MMD2: variants seen among roughly 807,000 people sequenced by gnomAD.
MMD2 encodes the protein monocyte to macrophage differentiation associated 2, also known as monocyte to macrophage differentiation factor 2.
MMD2 carries 30 observed loss-of-function variants against 33.5 expected under a neutral mutation model. The ratio of observed to expected loss-of-function variants is 0.90; its 90% CI spans 0.67 to 1.22. MMD2 has a LOEUF of 1.22. Among genes scored for constraint, MMD2 ranks in the 50% most tolerant of loss-of-function variants. MMD2 has a pLI of 0.00. For missense variants in MMD2, 364 were observed against 325.4 expected, an observed-to-expected ratio of 1.12 and a Z score of -0.91; for synonymous variants, 129 against 123.0, an observed-to-expected ratio of 1.05 and a Z score of -0.32.
intron 1 of MMD2, among the ~76,000 whole-genome samples, chr7:4,933,128 C>T (rs913534023): frequency 2.0e-5 from 3 of 152,060 alleles, no homozygotes; most frequent in African/African-American, 7.3e-5. Context: ...GTAATCCCAG[C>T]GCTTTGGGAG....
chr7:4,897,580 G>A, the MMD2 span, among the ~76,000 whole-genome samples: 3 of 152,206 alleles, frequency 2.0e-5, no homozygotes, highest in Non-Finnish European at 4.4e-5. Flanking sequence ...TGCAGAGGTG[G>A]GAAAGCTCCT....
At chr7:4,895,056 G>A in the MMD2 span, among the ~76,000 whole-genome samples, 91 of 150,570 alleles carry the variant, frequency 6.0e-4, no homozygotes, top group Admixed American at 3.3e-4. Context: ...TTGCATCCCC[G>A]ACTGCTTGCA....
chr7:4,932,905 G>T (rs1010843303), intron 1 of MMD2, among the ~76,000 whole-genome samples: 1 of 151,706 alleles, frequency 6.6e-6, no homozygotes, highest in Non-Finnish European at 1.5e-5. Flanking sequence ...GATTACAGGC[G>T]TGAGCCACCA....
downstream of MMD2, among the ~76,000 whole-genome samples, chr7:4,902,094 G>A (rs944157981): frequency 3.3e-5 from 5 of 152,124 alleles, no homozygotes; most frequent in Admixed American, 2.6e-4. Flanking sequence ...GGGATTACAG[G>A]CGTGTGCCAC....
At chr7:4,944,333 G>A (rs1785991342) in intron 1 of MMD2, among the ~76,000 whole-genome samples, 1 of 152,036 alleles carries the variant, frequency 6.6e-6, no homozygotes, top group South Asian at 2.1e-4. Context: ...TGGCCCCAGG[G>A]AAACTTTAGC....
At chr7:4,922,695 C>A (rs535359047) in intron 2 of MMD2, among the ~76,000 whole-genome samples, 6 of 152,216 alleles carry the variant, frequency 3.9e-5, no homozygotes, top group African/African-American at 1.2e-4. Flanking sequence ...TTGCCTTGGC[C>A]TCCTGAGTAG....
intron 1 of MMD2, among the ~76,000 whole-genome samples, chr7:4,938,926 G>A (rs1182412855): frequency 6.6e-6 from 1 of 152,112 alleles, no homozygotes; most frequent in Admixed American, 6.6e-5. Context: ...GGGGAGGGGA[G>A]GCTGGGCTCG....
chr7:4,893,834 A>G, the MMD2 span, among the ~76,000 whole-genome samples: 1 of 152,128 alleles, frequency 6.6e-6, no homozygotes, highest in East Asian at 1.9e-4. Flanking sequence ...GGCATTTGTA[A>G]ACTGTCATGA....
At chr7:4,894,068 G>A in the MMD2 span, among the ~76,000 whole-genome samples, 1 of 152,162 alleles carries the variant, frequency 6.6e-6, no homozygotes. This position sits in a 1 kb window ranked among gnomAD's most constrained non-coding sequence, Gnocchi z 4.3. Flanking sequence ...ATGCAGCCCA[G>A]TAGATCTCAG....
At chr7:4,902,572 A>C (rs1322647294), downstream of MMD2, among the ~76,000 whole-genome samples, 2 of 152,194 alleles carry the variant, frequency 1.3e-5, no homozygotes, top group African/African-American at 4.8e-5. Flanking sequence ...GGAGACCCAG[A>C]CAGGTGAGCC....
chr7:4,926,523 C>T (rs1460047001), intron 1 of MMD2, among the ~76,000 whole-genome samples: 1 of 152,070 alleles, frequency 6.6e-6, no homozygotes, highest in East Asian at 1.9e-4. Flanking sequence ...ACGGCTCACT[C>T]CTCACCCCCA....
chr7:4,945,098 C>G (rs1182316153), intron 1 of MMD2, among the ~76,000 whole-genome samples: 1 of 150,638 alleles, frequency 6.6e-6, no homozygotes, highest in Non-Finnish European at 1.5e-5. Context: ...TTCTGGACAC[C>G]AACACACTTC....
intron 1 of MMD2, 98 bp from the exon 2 acceptor site, chr7:4,925,630 A>C: frequency 3.8e-6 from 3 of 781,242 alleles, no homozygotes; most frequent in Non-Finnish European, 6.0e-6. Context: ...CTGGTAGGAA[A>C]AGAAGAGCAC....
At chr7:4,938,222 G>T (rs1327506334) in intron 1 of MMD2, among the ~76,000 whole-genome samples, 2 of 151,704 alleles carry the variant, frequency 1.3e-5, no homozygotes, top group Non-Finnish European at 2.9e-5. Flanking sequence ...TGTTAGTCAG[G>T]CTGGTCTCAA....
Position 4,906,131 on chromosome 7 carries a change from A to G in MMD2, c.*1265T>C, listed in dbSNP as rs1238140771. The stretch of plus-strand genomic sequence containing the variant: ...CCACTCCACCCTGGTTGGGAGTCGC[A>G]GAATGAGGACCTCCTGACTTGAGAC... On this transcript the variant is annotated 3_prime_UTR_variant, in exon 7 of 7. Transcript: ENST00000401401. The G allele has an allele frequency of 5.1e-6, 1 of 195,420 alleles. No homozygotes were observed. Among genetic ancestry groups the G allele is most frequent in the Non-Finnish European group, 1.0e-5 (1 of 96,404 alleles). 12.1% of individuals were successfully genotyped at this position (195,420 alleles called of 1,614,324 possible).
intron 1 of MMD2, among the ~76,000 whole-genome samples, chr7:4,956,531 T>A (rs1786385498): frequency 6.6e-6 from 1 of 152,052 alleles, no homozygotes; most frequent in South Asian, 2.1e-4. Flanking sequence ...GAAATAGAAC[T>A]AATCCATGCG....
intron 1 of MMD2, among the ~76,000 whole-genome samples, chr7:4,952,154 G>C (rs1196767711): frequency 1.3e-5 from 2 of 152,210 alleles, no homozygotes; most frequent in Non-Finnish European, 2.9e-5. Flanking sequence ...AAGAGGGTTT[G>C]AATGGCCCCA....
Position 4,906,619 on chromosome 7 carries a change from A to G in MMD2, c.*777T>C. ...ATCAACTACGGTGGAACAGAACATC[A>G]GGGGCTGCATGGGTGTGCGCCTCAG... On this transcript the variant is annotated 3_prime_UTR_variant, in exon 7 of 7. Coordinates refer to ENST00000401401, the MANE Select transcript of MMD2 (RefSeq NM_198403.4). The G allele has an allele frequency of 2.5e-6, 1 of 398,398 alleles. No individual in the cohort carries two copies. 24.7% of individuals were successfully genotyped at this position (398,398 alleles called of 1,614,324 possible).
chr7:4,930,785 G>A (rs767817418), intron 1 of MMD2, among the ~76,000 whole-genome samples: 9 of 152,302 alleles, frequency 5.9e-5, no homozygotes, highest in East Asian at 1.9e-4. Context: ...CTGCTGTGTC[G>A]TCACCTGTGA....
Sources: gnomAD v4.1 joint callset for allele counts (sites outside exome capture counted in the v4.1 genomes callset) on GRCh38, gnomAD v4.1.1 for gene constraint, Gnocchi (gnomAD v3.1) non-coding constraint, MANE v1.5 for transcripts, NCBI Gene and HGNC (gene_info 2026-07-23, HGNC 2026-07-21) for gene names.